Variants in RBM26 observed in about 807,000 individuals in gnomAD.
RBM26 encodes the protein RNA binding motif protein 26.
In RBM26, 30 loss-of-function variants were observed where a neutral mutation model predicts 123.6. The ratio of observed to expected loss-of-function variants is 0.24; its 90% CI spans 0.18 to 0.33. The LOEUF (loss-of-function observed/expected upper bound fraction) is 0.33, where lower values mean the gene tolerates loss of function less well. Ranked by LOEUF, RBM26 falls within the 10% of genes least tolerant of loss-of-function variation. RBM26 has a pLI of 1.00. For missense variants in RBM26, 947 were observed against 1,203.6 expected (o/e 0.79, Z 3.15); for synonymous variants, 400 against 404.4 (o/e 0.99, Z 0.13).
Position 79,334,317 on chromosome 13 carries a change from A to C in RBM26, c.2820+27T>G. 3.2e-6 allele frequency: 4 copies of C among 1,246,238 alleles called. No individual in the cohort carries two copies. In the South Asian group the frequency reaches 5.6e-5, roughly 17 times the overall value. 77.2% of individuals were successfully genotyped at this position (1,246,238 alleles called of 1,614,324 possible). ...AATACTTATAAATCATTTAAATCTG[A>C]ATTGATAAATTATTTTTAAAACTTA... On this transcript the variant is annotated intron_variant, in intron 20 of 21. Transcript: ENST00000438737.
intron 14 of RBM26, among the ~76,000 whole-genome samples, chr13:79,351,862 A>G (rs910749281): frequency 6.6e-6 from 1 of 152,144 alleles, no homozygotes; most frequent in African/African-American, 2.4e-5. Flanking sequence ...AGTATAAACT[A>G]GACGAGGGGA....
chr13:79,377,592 T>G, intron 2 of RBM26, 77 bp from the exon 3 acceptor site: 2 of 1,113,554 alleles, frequency 1.8e-6, no homozygotes, highest in Non-Finnish European at 2.6e-6. Flanking sequence ...CTCTTATCTC[T>G]AATATGATGA....
intron 20 of RBM26, among the ~76,000 whole-genome samples, chr13:79,325,750 G>T (rs1050281752): frequency 1.3e-5 from 2 of 152,024 alleles, no homozygotes; most frequent in South Asian, 2.1e-4. Flanking sequence ...TGTTTATAAG[G>T]TCTAAAGTAC....
intron 19 of RBM26, among the ~76,000 whole-genome samples, chr13:79,335,157 A>AT (rs991693945): frequency 3.9e-5 from 6 of 152,062 alleles, no homozygotes; most frequent in African/African-American, 1.4e-4. Flanking sequence ...CCCAAAAATT[A>AT]TAACTGTAAT....
chr13:79,394,169 C>T (rs2078349868), intron 1 of RBM26, among the ~76,000 whole-genome samples: 1 of 152,184 alleles, frequency 6.6e-6, no homozygotes, highest in Non-Finnish European at 1.5e-5. Context: ...ATTGTGGGGA[C>T]AAACACTAAC....
At chr13:79,372,578 T>C (rs1039610833) in intron 3 of RBM26, among the ~76,000 whole-genome samples, 3 of 150,374 alleles carry the variant, frequency 2.0e-5, no homozygotes, top group Non-Finnish European at 4.4e-5. Context: ...AAGTCTAACA[T>C]ATATTCATGT....
chr13:79,405,656 C>A lies in RBM26; in HGVS notation c.71+48G>T, dbSNP rs752335401. ...AAACTGCACAGATCTCTGGGTCCGC[C>A]TATCTCCCACTGCCATCCCTGCAAA... On this transcript the variant is annotated intron_variant, in intron 1 of 21. Transcript: ENST00000438737. 25 of 1,369,144 alleles carry A rather than the reference C, an allele frequency of 1.8e-5. 1 individual carries two copies. Among genetic ancestry groups the A allele is most frequent in the Non-Finnish European group, 2.5e-5 (24 of 977,074 alleles). 84.8% of individuals were successfully genotyped at this position (1,369,144 alleles called of 1,614,324 possible).
At chr13:79,314,292 T>A (rs1486285535), downstream of RBM26, 2 of 151,722 alleles carry the variant, frequency 1.3e-5, no homozygotes, top group African/African-American at 2.4e-5. Context: ...GTGAAAAAAT[T>A]ATGTTAAGAC....
At chr13:79,404,400 A>G (rs1487151743) in intron 1 of RBM26, among the ~76,000 whole-genome samples, 1 of 152,242 alleles carries the variant, frequency 6.6e-6, no homozygotes, top group Admixed American at 6.5e-5. Context: ...ACACTTCTGA[A>G]TAATCTTCTT....
chr13:79,369,930 T>G (rs1215061833), intron 5 of RBM26, among the ~76,000 whole-genome samples: 1 of 152,186 alleles, frequency 6.6e-6, no homozygotes, highest in Non-Finnish European at 1.5e-5. Flanking sequence ...TCATGCCCCT[T>G]TGTAATCTGT....
intron 11 of RBM26, among the ~76,000 whole-genome samples, chr13:79,356,366 T>C: frequency 1.3e-5 from 1 of 76,096 alleles, no homozygotes; most frequent in African/African-American, 5.4e-5. Context: ...TGAGACTCTG[T>C]CTCAAAAAAA....
rs2075183860 is a variant in RBM26 at position 79,365,666 on chromosome 13, A to G, written c.1329T>C (p.Thr443=). 1.2e-6 allele frequency: 2 copies of G among 1,613,882 alleles called. No individual in the cohort carries two copies. The highest frequency in any genetic ancestry group is 1.3e-5 in the African/African-American group (1 of 75,034). ...YNPEAPSITN[T]SRPMYRHRVH... ...CTCTGTGTCTATACATAGGTCTGGA[A>G]GTGTTTGTTATGCTTGGGGCTTCAG... The change falls in exon 9 of 22, where the codon ACT becomes ACC. Residue 443 remains threonine (T), a synonymous_variant. Transcript: ENST00000438737.
chr13:79,356,981 C>T (rs560151996), intron 11 of RBM26, among the ~76,000 whole-genome samples: 23 of 152,184 alleles, frequency 1.5e-4, no homozygotes, highest in African/African-American at 5.5e-4. Flanking sequence ...AAAGACAACT[C>T]AAAGATATTC....
intron 18 of RBM26, among the ~76,000 whole-genome samples, chr13:79,340,135 T>C (rs1227877417): frequency 1.3e-5 from 2 of 150,422 alleles, no homozygotes; most frequent in Non-Finnish European, 3.0e-5. Flanking sequence ...AATTTCTCTA[T>C]TAACATAAAA....
intron 20 of RBM26, among the ~76,000 whole-genome samples, chr13:79,333,880 C>T (rs2069854928): frequency 6.6e-6 from 1 of 152,166 alleles, no homozygotes; most frequent in Non-Finnish European, 1.5e-5. Flanking sequence ...CTATGCTGAA[C>T]TAGGGACACT....
In RBM26 at chr13:79,393,540, G is replaced by A. The variant is rs9545098; in HGVS notation, c.71+12164C>T. On this transcript the variant is annotated intron_variant, in intron 1 of 21. Coordinates refer to ENST00000438737, the MANE Select transcript of RBM26 (RefSeq NM_001366735.2). ...GCAGCAGGTAACATACATCAGTTCC[G>A]CATGACTTGAGTACATTCCCTACTT... Among the ~76,000 whole-genome samples, 1,175 of 152,268 alleles carry A rather than the reference G, an allele frequency of 7.7e-3. 12 individuals carry two copies. Among genetic ancestry groups the A allele is most frequent in the Middle Eastern group, 0.017 (5 of 294 alleles).
intron 1 of RBM26, among the ~76,000 whole-genome samples, chr13:79,380,879 C>T (rs1010124957): frequency 6.6e-6 from 1 of 152,062 alleles, no homozygotes; most frequent in African/African-American, 2.4e-5. Context: ...CAGCATTAAT[C>T]TTTCTGTGCC....
chr13:79,334,876 A>G (rs1008162899), intron 19 of RBM26, among the ~76,000 whole-genome samples: 1 of 152,152 alleles, frequency 6.6e-6, no homozygotes, highest in Non-Finnish European at 1.5e-5. Flanking sequence ...ACTTCCCCAA[A>G]GTTAATTGTT....
At chr13:79,371,376 T>C (rs750575352) in intron 4 of RBM26, among the ~76,000 whole-genome samples, 2 of 152,212 alleles carry the variant, frequency 1.3e-5, no homozygotes, top group Non-Finnish European at 2.9e-5. Flanking sequence ...TTATTACACA[T>C]TGGCAACTAT....
Sources: gnomAD v4.1 joint callset for allele counts (sites outside exome capture counted in the v4.1 genomes callset) on GRCh38, gnomAD v4.1.1 for gene constraint, MANE v1.5 for transcripts, NCBI Gene and HGNC (gene_info 2026-07-23, HGNC 2026-07-21) for gene names.